The following NDST1 variants were observed in gnomAD, a reference collection of about 807,000 sequenced individuals.
The protein encoded by NDST1 is N-deacetylase and N-sulfotransferase 1, also known as bifunctional heparan sulfate N-deacetylase/N-sulfotransferase 1.
Under a neutral mutation model 92.8 loss-of-function variants are expected in NDST1, and 35 were observed. That is an observed-to-expected ratio of 0.38 (90% CI 0.29 to 0.50). NDST1 has a LOEUF of 0.50. NDST1 is among the 20% of genes least tolerant of loss of function. The pLI, the probability that NDST1 is intolerant of heterozygous loss-of-function variation, is 0.94. For synonymous variants in NDST1, 493 were observed against 500.3 expected (o/e 0.99, Z 0.19); for missense variants, 822 against 1,182.7 (o/e 0.69, Z 4.47).
chr5:150,526,756 C>T (rs191205705), intron 2 of NDST1, among the ~76,000 whole-genome samples: 12 of 152,222 alleles, frequency 7.9e-5, no homozygotes, highest in Admixed American at 4.6e-4. Flanking sequence ...GCCAAGAAGA[C>T]GGAATGGAAT....
At chr5:150,540,029 G>A in intron 7 of NDST1, 53 bp from the exon 8 acceptor site, 1 of 1,604,838 alleles carries the variant, frequency 6.2e-7, no homozygotes, top group Admixed American at 1.7e-5. Context: ...TGGCGGTGAG[G>A]GTGGCTCAGA....
At chr5:150,530,567 T>C (rs1164969782) in intron 3 of NDST1, among the ~76,000 whole-genome samples, 4 of 70,524 alleles carry the variant, frequency 5.7e-5, no homozygotes, top group Admixed American at 1.8e-4. Context: ...ATTTTTTTTT[T>C]TTTTTTTTTT....
chr5:150,548,146 G>A, intron 11 of NDST1, 72 bp from the exon 12 acceptor site: 1 of 1,589,234 alleles, frequency 6.3e-7, no homozygotes, highest in Non-Finnish European at 8.6e-7. Context: ...CACCTTGCGG[G>A]CTGCTGTCCC....
chr5:150,502,229 C>T (rs1753263966), intron 1 of NDST1, among the ~76,000 whole-genome samples: 1 of 152,036 alleles, frequency 6.6e-6, no homozygotes, highest in African/African-American at 2.4e-5. Flanking sequence ...CTGCTGCAGT[C>T]TTGCCACGAG....
At position 150,556,333 on chromosome 5, in the gene NDST1, A is replaced by C. The variant is rs1755869473; in HGVS notation, c.*3001A>C. ...TCCTGCTGCTTGGAGGATGAGTCTG[A>C]AGTTTAAAAATGGGCCTTTTCTGAG... On this transcript the variant is annotated 3_prime_UTR_variant, in exon 15 of 15. Transcript: ENST00000261797. 1 of 152,058 alleles carries C rather than the reference A, an allele frequency of 6.6e-6. No homozygotes were observed. Among genetic ancestry groups the C allele is most frequent in the African/African-American group, 2.4e-5 (1 of 41,382 alleles). 9.4% of individuals were successfully genotyped at this position (152,058 alleles called of 1,614,324 possible).
intron 1 of NDST1, among the ~76,000 whole-genome samples, chr5:150,513,449 G>C (rs920004406): frequency 1.7e-4 from 26 of 152,086 alleles, no homozygotes; most frequent in African/African-American, 6.0e-4. Context: ...AGTGATCCTG[G>C]GCAACAGAGC....
chr5:150,516,104 A>G (rs1753952000), intron 1 of NDST1, among the ~76,000 whole-genome samples: 2 of 152,222 alleles, frequency 1.3e-5, no homozygotes, highest in Non-Finnish European at 2.9e-5. Context: ...AGTAAGGGCC[A>G]CAGCCTCCAA....
At chr5:150,535,124 T>C in intron 5 of NDST1, 103 bp downstream of exon 5, 1 of 1,495,630 alleles carries the variant, frequency 6.7e-7, no homozygotes, top group South Asian at 1.2e-5. Flanking sequence ...TCTGACGGAT[T>C]TTTACTAACA....
chr5:150,544,876 C>A (rs1208461197), intron 10 of NDST1, among the ~76,000 whole-genome samples: 2 of 152,190 alleles, frequency 1.3e-5, no homozygotes, highest in Non-Finnish European at 2.9e-5. Flanking sequence ...CCTCTGGAGG[C>A]CCCCTCTGCT....
In NDST1 at chr5:150,521,468, C is replaced by T; in HGVS notation, c.214C>T (p.Pro72Ser). ...VAPSRLLPLKPVQAATPSRTD... is the reference protein window; with the variant it reads ...VAPSRLLPLKSVQAATPSRTD... ...CCCCAGTCGCCTGCTGCCACTCAAG[C>T]CTGTGCAGGCAGCCACCCCTTCCCG... is the stretch of plus-strand genomic sequence containing the variant. The change falls in exon 2 of 15, where the codon CCT becomes TCT. Residue 72 changes from proline (P) to serine (S), a missense_variant. Coordinates refer to ENST00000261797, the MANE Select transcript of NDST1 (RefSeq NM_001543.5). The surrounding 1 kb of genome is among the most constrained non-coding windows in gnomAD (Gnocchi z 5.9). The T allele has an allele frequency of 6.2e-7, 1 of 1,613,918 alleles. No homozygotes were observed. Among genetic ancestry groups the T allele is most frequent in the East Asian group, 2.2e-5 (1 of 44,862 alleles).
At chr5:150,502,278 G>A (rs574319030) in intron 1 of NDST1, among the ~76,000 whole-genome samples, 295 of 152,294 alleles carry the variant, frequency 1.9e-3, no homozygotes, top group Non-Finnish European at 3.1e-3. Flanking sequence ...GGACGGCGGG[G>A]GAGCAACCAG....
chr5:150,511,546 G>A (rs1268696705), intron 1 of NDST1, among the ~76,000 whole-genome samples: 6 of 152,178 alleles, frequency 3.9e-5, no homozygotes, highest in Non-Finnish European at 8.8e-5. Flanking sequence ...GACGGCACAA[G>A]CCAGGAGGTC....
chr5:150,552,731 T>C (rs1355022807), intron 14 of NDST1: 2 of 224,606 alleles, frequency 8.9e-6, no homozygotes, highest in Non-Finnish European at 1.8e-5. Context: ...TAGTGAGCTA[T>C]ATTTTGATGC....
chr5:150,504,462 G>T (rs962113997), upstream of NDST1, among the ~76,000 whole-genome samples: 2 of 152,166 alleles, frequency 1.3e-5, no homozygotes, highest in African/African-American at 4.8e-5. Context: ...CCTCCCTCTT[G>T]TGGGCTCCCT....
At chr5:150,530,206 TCCAGC>T (rs923450903) in intron 3 of NDST1, among the ~76,000 whole-genome samples, 1 of 152,242 alleles carries the variant, frequency 6.6e-6, no homozygotes, top group Non-Finnish European at 1.5e-5. Context: ...CCTTAGTTGC[TCCAGC>T]GGTGCTGCTT....
upstream of NDST1, among the ~76,000 whole-genome samples, chr5:150,507,265 C>CG (rs1486561690): frequency 1.1e-4 from 17 of 150,708 alleles, no homozygotes; most frequent in African/African-American, 3.7e-4. Flanking sequence ...TATAAACATA[C>CG]CTTTTTTTTT....
At chr5:150,548,988 C>T (rs544932298) in intron 12 of NDST1, among the ~76,000 whole-genome samples, 1 of 152,158 alleles carries the variant, frequency 6.6e-6, no homozygotes, top group East Asian at 1.9e-4. Flanking sequence ...GGAGGGAGAG[C>T]CTGATCATAC....
intron 1 of NDST1, among the ~76,000 whole-genome samples, chr5:150,510,400 G>A (rs1753670590): frequency 6.6e-6 from 1 of 152,218 alleles, no homozygotes; most frequent in Non-Finnish European, 1.5e-5. Context: ...GGGATAGGGT[G>A]GGCAGAGAGC....
intron 1 of NDST1, among the ~76,000 whole-genome samples, chr5:150,510,838 G>A (rs1035949454): frequency 3.9e-5 from 6 of 152,244 alleles, no homozygotes; most frequent in Non-Finnish European, 7.3e-5. Context: ...AAGATCACTA[G>A]AGGCTGCTTG....
Sources: allele counts gnomAD v4.1 joint callset (sites outside exome capture counted in the v4.1 genomes callset), GRCh38; gene constraint gnomAD v4.1.1; non-coding constraint Gnocchi (gnomAD v3.1); transcripts MANE v1.5; gene names NCBI Gene and HGNC (gene_info 2026-07-23, HGNC 2026-07-21).